The following OR9G4 variants were observed in gnomAD, a reference collection of about 807,000 sequenced individuals.
OR9G4 encodes the protein olfactory receptor 9G4.
Under a neutral mutation model 16.7 loss-of-function variants are expected in OR9G4, and 19 were observed. The observed-to-expected ratio is 1.14, with a 90% confidence interval of 0.79 to 1.67. OR9G4 has a LOEUF of 1.67. OR9G4 is among the 40% of genes most tolerant of loss of function. OR9G4 has a pLI of 0.00. For synonymous variants in OR9G4, 182 were observed against 146.2 expected (o/e 1.24, Z -1.76); for missense variants, 428 against 370.4 (o/e 1.16, Z -1.28).
chr11:56,743,278 T>G lies in OR9G4; in HGVS notation c.489A>C (p.Thr163=). The change falls in exon 2 of 2, where the codon ACA becomes ACC. Residue 163 remains threonine (T), a synonymous_variant. Coordinates refer to ENST00000641668, the MANE Select transcript of OR9G4 (RefSeq NM_001005284.2). ...TTTTACCACAAAAATGCAGGCGGAA[T>G]GTATTGGCAGTATGGGCTATGGCAT... ...FLNAIAHTAN[T]FRLHFCGKNI... The G allele has an allele frequency of 6.2e-7, 1 of 1,614,078 alleles. No homozygotes were observed. The highest frequency in any genetic ancestry group is 1.3e-5 in the African/African-American group (1 of 74,998).
At position 56,742,574 on chromosome 11, in the gene OR9G4, C is replaced by T. The variant is rs1858318602; in HGVS notation, c.*254G>A. On this transcript the variant is annotated 3_prime_UTR_variant, in exon 2 of 2. Coordinates refer to ENST00000641668, the MANE Select transcript of OR9G4 (RefSeq NM_001005284.2). ...CCAAAGGGAGCAAACACAATGAAAT[C>T]TATGAAAGATTTAATGCTGCCAAGG... 1 of 429,090 alleles carries T rather than the reference C, an allele frequency of 2.3e-6. No individual in the cohort carries two copies. The allele number at this position is 429,090 out of a possible 1,614,324, so 26.6% of individuals were successfully genotyped here. A position where few individuals can be genotyped will look rare whatever the true frequency, so the allele number is the denominator to read the frequency against.
chr11:56,742,718 T>C lies in OR9G4; in HGVS notation c.*110A>G. On this transcript the variant is annotated 3_prime_UTR_variant, in exon 2 of 2. Coordinates refer to ENST00000641668, the MANE Select transcript of OR9G4 (RefSeq NM_001005284.2). The stretch of plus-strand genomic sequence containing the variant: ...GAGTCATGTGGTCAATATTTTAATG[T>C]TTTAAATATGACTTATTGAACTTAA... The C allele has an allele frequency of 2.2e-6, 2 of 927,760 alleles. No individual in the cohort carries two copies. The highest frequency in any genetic ancestry group is 3.3e-5 in the South Asian group (2 of 61,058). The allele number at this position is 927,760 out of a possible 1,614,324, so 57.5% of individuals were successfully genotyped here.
rs1858302344 is a variant in OR9G4 at position 56,741,700 on chromosome 11, A to T, written c.*1128T>A. On this transcript the variant is annotated 3_prime_UTR_variant, in exon 2 of 2. Transcript: ENST00000641668. Reference sequence around the variant, plus strand: ...TTTTCAAAATTTAATTAATTTTTTAAATGTGCTAATTCCAGCAAATGTTAT... The same window carrying T: ...TTTTCAAAATTTAATTAATTTTTTATATGTGCTAATTCCAGCAAATGTTAT... 6.6e-6 allele frequency: 1 copy of T among 152,250 alleles called. No homozygotes were observed. 9.4% of individuals were successfully genotyped at this position (152,250 alleles called of 1,614,324 possible). A position where few individuals can be genotyped will look rare whatever the true frequency, so the allele number is the denominator to read the frequency against.
intron 1 of OR9G4, among the ~76,000 whole-genome samples, chr11:56,745,507 C>A (rs550086939): frequency 1.3e-5 from 2 of 152,194 alleles, no homozygotes; most frequent in South Asian, 4.2e-4. Flanking sequence ...GTGCCAGGTG[C>A]GGTGGCTCAC....
intron 1 of OR9G4, among the ~76,000 whole-genome samples, chr11:56,746,864 T>G (rs1477888977): frequency 6.6e-6 from 1 of 152,250 alleles, no homozygotes; most frequent in Non-Finnish European, 1.5e-5. Flanking sequence ...CTGCTACCAC[T>G]CTGTTCAAAC....
rs191393112 is a variant in OR9G4 at position 56,746,064 on chromosome 11, C to T, written c.-22-2276G>A. 1.4e-3 allele frequency among the ~76,000 whole-genome samples: 220 copies of T among 151,932 alleles called. 3 individuals are homozygous for T. The East Asian group carries it at 0.037, about 25-fold the overall frequency. On this transcript the variant is annotated intron_variant, in intron 1 of 1. Transcript: ENST00000641668. ...ATCCCAGCACTTTGGGAGGCCGAGG[C>T]GGGCGGATCACAAGGTCAGGAGATC...
chr11:56,744,071 T>C (rs934763755), intron 1 of OR9G4: 8 of 401,152 alleles, frequency 2.0e-5, no homozygotes, highest in Non-Finnish European at 3.5e-5. Context: ...ACTAATTACT[T>C]CTTCTTTTTT....
chr11:56,743,058 C>T lies in OR9G4; in HGVS notation c.709G>A (p.Ala237Thr), dbSNP rs375310727. Residue 237 changes from alanine to threonine, a missense_variant, in exon 2 of 2, where the codon GCA (alanine) becomes ACA (threonine). Transcript: ENST00000641668. The part of the protein sequence containing the change: ...RIHSASGRHK[A>T]FSTCASHLIS... The stretch of plus-strand genomic sequence containing the variant: ...AGGTGGGAAGCACAGGTGGAGAATG[C>T]CTTGTGTCTTCCTGAAGCTGAGTGG... 7.4e-5 allele frequency: 119 copies of T among 1,613,940 alleles called. No homozygotes were observed. In the Admixed American group the frequency reaches 1.3e-3, roughly 17 times the overall value.
rs558658462 is a variant in OR9G4 at position 56,744,904 on chromosome 11, G to A, written c.-22-1116C>T. ...CCCACAGACATGAGCACGCCCAGGT[G>A]AGAAAAGACAGGTCTGGCATAGGCA... On this transcript the variant is annotated intron_variant, in intron 1 of 1. Coordinates refer to ENST00000641668, the MANE Select transcript of OR9G4 (RefSeq NM_001005284.2). Among the ~76,000 whole-genome samples the A allele has an allele frequency of 1.7e-3, 263 of 152,288 alleles. 1 individual carries two copies. Among genetic ancestry groups the A allele is most frequent in the Non-Finnish European group, 2.7e-3 (183 of 68,028 alleles).
At position 56,743,056 on chromosome 11, in the gene OR9G4, T is replaced by C. The variant is rs138726928; in HGVS notation, c.711A>G (p.Ala237=). ...TGAGGTGGGAAGCACAGGTGGAGAA[T>C]GCCTTGTGTCTTCCTGAAGCTGAGT... ...RIHSASGRHK[A]FSTCASHLIS... Residue 237 remains alanine, a synonymous_variant, in exon 2 of 2, where the codon GCA becomes GCG. Transcript: ENST00000641668. 3.0e-5 allele frequency: 49 copies of C among 1,614,124 alleles called. No individual in the cohort carries two copies. In the Admixed American group the frequency reaches 4.7e-4, roughly 15 times the overall value.
chr11:56,743,439 T>G lies in OR9G4; in HGVS notation c.328A>C (p.Thr110Pro). ...ATGGCTGCCAGGAGATAGCATTCAG[T>G]GTAGGCTACAACACAGGAAAAAAAC... is the stretch of plus-strand genomic sequence containing the variant. ...QLFFSCVVAY[T>P]ECYLLAAMAY... is the part of the protein sequence containing the mutation. The change falls in exon 2 of 2, where the codon ACT (threonine) becomes CCT (proline). Residue 110 changes from threonine to proline, a missense_variant. Physicochemically the swap from Thr to Pro is conservative, Grantham distance 38 (BLOSUM62 -1). Coordinates refer to ENST00000641668, the MANE Select transcript of OR9G4 (RefSeq NM_001005284.2). 4 of 1,614,022 alleles carry G rather than the reference T, an allele frequency of 2.5e-6. No homozygotes were observed. Among genetic ancestry groups the G allele is most frequent in the Non-Finnish European group, 3.4e-6 (4 of 1,179,990 alleles).
At chr11:56,743,835 A>C in intron 1 of OR9G4, 47 bp from the exon 2 acceptor site, 1 of 1,579,006 alleles carries the variant, frequency 6.3e-7, no homozygotes, top group Middle Eastern at 1.7e-4. Flanking sequence ...TTCTATTCAC[A>C]CAAGTTGACA....
At chr11:56,744,443 C>A (rs1858371933) in intron 1 of OR9G4, among the ~76,000 whole-genome samples, 1 of 152,180 alleles carries the variant, frequency 6.6e-6, no homozygotes, top group African/African-American at 2.4e-5. Context: ...TTAGTGGGCA[C>A]TCAAAAAATT....
Position 56,743,778 on chromosome 11 carries a change from T to C in OR9G4, c.-12A>G. On this transcript the variant is annotated 5_prime_UTR_variant, in exon 2 of 2. Coordinates refer to ENST00000641668, the MANE Select transcript of OR9G4 (RefSeq NM_001005284.2). Reference sequence around the variant, plus strand: ...TTTCCCACTTCCATGTCCACGGAGGTGAAAGCCTGACTATCATGAGAAGGG... The same window carrying C: ...TTTCCCACTTCCATGTCCACGGAGGCGAAAGCCTGACTATCATGAGAAGGG... 6.2e-7 allele frequency: 1 copy of C among 1,613,528 alleles called. No homozygotes were observed. Among genetic ancestry groups the C allele is most frequent in the South Asian group, 1.1e-5 (1 of 90,898 alleles).
Position 56,742,695 on chromosome 11 carries a change from G to T in OR9G4, c.*133C>A. On this transcript the variant is annotated 3_prime_UTR_variant, in exon 2 of 2. Coordinates refer to ENST00000641668, the MANE Select transcript of OR9G4 (RefSeq NM_001005284.2). The stretch of plus-strand genomic sequence containing the variant: ...CATCATAACAAACGAATAACAAGGA[G>T]TCATGTGGTCAATATTTTAATGTTT... 1.4e-6 allele frequency: 1 copy of T among 729,750 alleles called. No homozygotes were observed. Among genetic ancestry groups the T allele is most frequent in the Non-Finnish European group, 2.3e-6 (1 of 439,540 alleles). The allele number at this position is 729,750 out of a possible 1,614,324, so 45.2% of individuals were successfully genotyped here. A position where few individuals can be genotyped will look rare whatever the true frequency, so the allele number is the denominator to read the frequency against.
At chr11:56,746,059 C>T (rs894063676) in intron 1 of OR9G4, among the ~76,000 whole-genome samples, 12 of 151,646 alleles carry the variant, frequency 7.9e-5, no homozygotes, top group African/African-American at 2.2e-4. Flanking sequence ...TTTGGGAGGC[C>T]GAGGCGGGCG....
At chr11:56,747,329 A>G (rs1467728612) in intron 1 of OR9G4, among the ~76,000 whole-genome samples, 1 of 151,976 alleles carries the variant, frequency 6.6e-6, no homozygotes, top group African/African-American at 2.4e-5. Context: ...CAAACGTCAC[A>G]TTCTGACAAA....
chr11:56,745,030 G>A (rs1858383683), intron 1 of OR9G4, among the ~76,000 whole-genome samples: 1 of 152,076 alleles, frequency 6.6e-6, no homozygotes, highest in African/African-American at 2.4e-5. Context: ...CCACCTACGT[G>A]TATTTACCTC....
chr11:56,746,895 A>T (rs903535106), intron 1 of OR9G4, among the ~76,000 whole-genome samples: 6 of 150,910 alleles, frequency 4.0e-5, no homozygotes, highest in Non-Finnish European at 8.9e-5. Context: ...TACTGCCAAG[A>T]ATATTGCCAT....
Sources: allele counts gnomAD v4.1 joint callset (sites outside exome capture counted in the v4.1 genomes callset), GRCh38; gene constraint gnomAD v4.1.1; transcripts MANE v1.5; gene names NCBI Gene and HGNC (gene_info 2026-07-23, HGNC 2026-07-21).